TSGA10IP: variants seen among roughly 807,000 people sequenced by gnomAD.
TSGA10IP encodes the protein testis specific 10 interacting protein.
Under a neutral mutation model 63.2 loss-of-function variants are expected in TSGA10IP, and 64 were observed. The ratio of observed to expected loss-of-function variants is 1.01; its 90% CI spans 0.83 to 1.25. The LOEUF is 1.25. TSGA10IP is among the 50% of genes most tolerant of loss of function. TSGA10IP has a pLI of 0.00. For synonymous variants in TSGA10IP, 316 were observed against 298.3 expected (o/e 1.06, Z -0.61); for missense variants, 681 against 710.1 (o/e 0.96, Z 0.47).
In TSGA10IP at chr11:65,959,334, C is replaced by A. The variant is rs574648093; in HGVS notation, c.1547+20C>A. On this transcript the variant is annotated intron_variant, in intron 7 of 7. Transcript: ENST00000532620. ...ACCCAGGTGAGTCTCCCCGTCAGGTCAAGAACTGACTCTGCCATGCTGCTG... is the reference window on the plus strand; with the variant it reads ...ACCCAGGTGAGTCTCCCCGTCAGGTAAAGAACTGACTCTGCCATGCTGCTG... The A allele has an allele frequency of 1.2e-6, 2 of 1,609,418 alleles. No individual in the cohort carries two copies. The highest frequency in any genetic ancestry group is 1.3e-5 in the African/African-American group (1 of 74,952).
Position 65,945,698 on chromosome 11 carries a change from T to TA in TSGA10IP, c.26dup (p.Asn9LysfsTer8). ...AGGATGGGGCAGGACACCGATATGC[T>TA]AAATACCTACCAACAGTTGGTTAGG... On this transcript the variant is annotated frameshift_variant, in exon 1 of 8. Transcript: ENST00000532620. LOFTEE classifies it high-confidence loss of function. The TA allele has an allele frequency of 1.9e-6, 3 of 1,613,886 alleles. No homozygotes were observed. Among genetic ancestry groups the TA allele is most frequent in the South Asian group, 2.2e-5 (2 of 91,082 alleles).
exon 4 of TSGA10IP, chr11:65,948,112 C>G: frequency 6.2e-7 from 1 of 1,601,500 alleles, no homozygotes; most frequent in Non-Finnish European, 8.5e-7. Flanking sequence ...GCCAACCTCC[C>G]TAATCGCACC....
rs60606019 is a variant in TSGA10IP, at chr11:65,950,542, A to G, written c.1151+2394A>G. ...CCTGAGCTCTAGGACTGCAGTCATG[A>G]GCCACCATGCCTGGCTAATTTTTTT... is the stretch of plus-strand genomic sequence containing the variant. On this transcript the variant is annotated intron_variant, in intron 4 of 7. Coordinates refer to ENST00000532620, the Ensembl canonical transcript of TSGA10IP. Among the ~76,000 whole-genome samples, 477 of 149,700 alleles carry G rather than the reference A, an allele frequency of 3.2e-3. 3 individuals carry two copies. The highest frequency in any genetic ancestry group is 0.011 in the African/African-American group (435 of 40,566).
exon 4 of TSGA10IP, chr11:65,948,065 G>C: frequency 6.3e-7 from 1 of 1,584,938 alleles, no homozygotes; most frequent in Non-Finnish European, 8.6e-7. Context: ...GGAATGGAAA[G>C]GCCTATGCCT....
chr11:65,956,934 G>C (rs186365130), intron 5 of TSGA10IP, among the ~76,000 whole-genome samples: 66 of 152,310 alleles, frequency 4.3e-4, no homozygotes, highest in African/African-American at 1.5e-3. Flanking sequence ...CTTTCTATTT[G>C]AGAGGGCTAA....
chr11:65,959,127 C>T (rs1170863119), intron 6 of TSGA10IP, 63 bp from the exon 7 acceptor site: 11 of 1,578,934 alleles, frequency 7.0e-6, no homozygotes, highest in Admixed American at 5.4e-5. Flanking sequence ...CTCAGTAACC[C>T]GATCCCCACC....
At chr11:65,950,751 A>G (rs1854928613) in intron 4 of TSGA10IP, among the ~76,000 whole-genome samples, 1 of 151,932 alleles carries the variant, frequency 6.6e-6, no homozygotes, top group South Asian at 2.1e-4. Context: ...TTTAGTAGAG[A>G]TGGGGTTTCA....
Position 65,959,178 on chromosome 11 carries a change from C to A in TSGA10IP, c.1423-12C>A. On this transcript the variant is annotated splice_polypyrimidine_tract_variant and intron_variant, in intron 6 of 7. Coordinates refer to ENST00000532620, the Ensembl canonical transcript of TSGA10IP. ...CTGGTGCAGAGCAGGAAGCCGTCTT[C>A]TCTCTCCTCAGGCCAATGCCCGGCT... is the stretch of plus-strand genomic sequence containing the variant. 1 of 1,600,846 alleles carries A rather than the reference C, an allele frequency of 6.2e-7. No homozygotes were observed. Among genetic ancestry groups the A allele is most frequent in the Non-Finnish European group, 8.5e-7 (1 of 1,175,100 alleles).
rs570917824 is a variant in TSGA10IP, at chr11:65,947,336, G to C, written c.511G>C (p.Ala171Pro). Residue 171 changes from alanine to proline, a missense_variant, in exon 3 of 8, where the codon GCG becomes CCG. By Grantham distance (27) the Ala-to-Pro change is conservative. Coordinates refer to ENST00000532620, the Ensembl canonical transcript of TSGA10IP. ...GAAGACAGAGGCGCAAAACCTGAAG[G>C]CGAGACAGCAGCTGGGAGCCTGGGG... The C allele has an allele frequency of 1.6e-5, 25 of 1,612,150 alleles. No individual in the cohort carries two copies. The African/African-American group carries it at 2.3e-4, about 15-fold the overall frequency.
At chr11:65,949,598 G>A (rs1299801711) in intron 4 of TSGA10IP, among the ~76,000 whole-genome samples, 2 of 151,582 alleles carry the variant, frequency 1.3e-5, no homozygotes, top group African/African-American at 2.4e-5. Flanking sequence ...TGTATTTTTA[G>A]TACAGACGGG....
In TSGA10IP at chr11:65,953,712, G is replaced by A. The variant is rs563510572; in HGVS notation, c.1297G>A (p.Ala433Thr). The change falls in exon 5 of 8, where the codon GCC (alanine) becomes ACC (threonine). Residue 433 changes from alanine (A) to threonine (T), a missense_variant. Ala to Thr is a moderately conservative substitution (Grantham distance 58). Transcript: ENST00000532620. ...CAGAGGGAGCCGGGGCCCTGGGGCG[G>A]CCCAGCGCAAGCTGGAGGAGCTGAG... is the stretch of plus-strand genomic sequence containing the variant. 8.3e-6 allele frequency: 13 copies of A among 1,557,572 alleles called. No homozygotes were observed. The South Asian group carries it at 1.4e-4, about 17-fold the overall frequency.
At chr11:65,953,196 A>G (rs1163896689) in intron 4 of TSGA10IP, among the ~76,000 whole-genome samples, 3 of 151,768 alleles carry the variant, frequency 2.0e-5, no homozygotes, top group Non-Finnish European at 4.4e-5. Context: ...ACGCCTGGCT[A>G]ATTTTGGCAT....
At chr11:65,957,674 T>C (rs954699891) in intron 5 of TSGA10IP, among the ~76,000 whole-genome samples, 2 of 152,208 alleles carry the variant, frequency 1.3e-5, no homozygotes, top group Non-Finnish European at 2.9e-5. Context: ...GGCTGAGTTT[T>C]TCCACCGGGC....
At chr11:65,954,767 G>A (rs908807203) in intron 5 of TSGA10IP, among the ~76,000 whole-genome samples, 2 of 144,058 alleles carry the variant, frequency 1.4e-5, no homozygotes, top group African/African-American at 2.6e-5. Flanking sequence ...GCAGTGAGCC[G>A]AAATTGAGCC....
rs367820057 is a variant in TSGA10IP, at chr11:65,959,883, C to T, written c.1614C>T (p.Thr538=). The T allele has an allele frequency of 6.0e-5, 97 of 1,609,670 alleles. No individual in the cohort carries two copies. In the African/African-American group the frequency reaches 9.0e-4, roughly 15 times the overall value. Residue 538 remains threonine (T), a synonymous_variant, in exon 8 of 8, where the codon ACC becomes ACT. Coordinates refer to ENST00000532620, the Ensembl canonical transcript of TSGA10IP. ...AGAGGCCCCCAAGGACAGAACCCAC[C>T]GGCAGCCAGCCTGACAGGCACTACA... is the stretch of plus-strand genomic sequence containing the variant.
chr11:65,958,529 G>A (rs1024920282), intron 5 of TSGA10IP, among the ~76,000 whole-genome samples: 2 of 152,132 alleles, frequency 1.3e-5, no homozygotes, highest in Admixed American at 6.5e-5. Flanking sequence ...ATGGGGAGGG[G>A]AAGCTATGTA....
rs1854981903 is a variant in TSGA10IP at position 65,953,694 on chromosome 11, A to AG, written c.1280dup (p.Ser427ArgfsTer24). On this transcript the variant is annotated frameshift_variant, in exon 5 of 8. Coordinates refer to ENST00000532620, the Ensembl canonical transcript of TSGA10IP. LOFTEE classifies it high-confidence loss of function. ...CCTGGCAGCCTACGCACCCAGAGGG[A>AG]GCCGGGGCCCTGGGGCGGCCCAGCG... is the stretch of plus-strand genomic sequence containing the variant. 1.9e-6 allele frequency: 3 copies of AG among 1,581,146 alleles called. No homozygotes were observed. In the Admixed American group the frequency reaches 5.2e-5, roughly 28 times the overall value.
chr11:65,958,417 T>C (rs1342397632), intron 5 of TSGA10IP, among the ~76,000 whole-genome samples: 1 of 152,064 alleles, frequency 6.6e-6, no homozygotes, highest in Non-Finnish European at 1.5e-5. Context: ...ATCCCTACTA[T>C]AGCACAGTGA....
chr11:65,945,500 TA>T lies in TSGA10IP; in HGVS notation c.-173del. 1.5e-6 allele frequency: 1 copy of T among 682,560 alleles called. No individual in the cohort carries two copies. The highest frequency in any genetic ancestry group is 2.4e-6 in the Non-Finnish European group (1 of 414,082). 42.3% of individuals were successfully genotyped at this position (682,560 alleles called of 1,614,324 possible). On this transcript the variant is annotated 5_prime_UTR_variant, in exon 1 of 8. In the 5' UTR this introduces an upstream ATG that the reference lacks. Coordinates refer to ENST00000532620, the Ensembl canonical transcript of TSGA10IP. ...AGGACTTGGGCCTGGGTCTCTGCGCTAAATGACTCCTGGGCATCCTGCTGAA... is the reference window on the plus strand; with the variant it reads ...AGGACTTGGGCCTGGGTCTCTGCGCTAATGACTCCTGGGCATCCTGCTGAA...
Sources: gnomAD v4.1 joint callset for allele counts (sites outside exome capture counted in the v4.1 genomes callset) on GRCh38, gnomAD v4.1.1 for gene constraint, MANE v1.5 for transcripts, NCBI Gene and HGNC (gene_info 2026-07-23, HGNC 2026-07-21) for gene names.